Variants in TIMP3 observed in about 807,000 individuals in gnomAD.
TIMP3 encodes TIMP metallopeptidase inhibitor 3.
TIMP3 carries 11 observed loss-of-function variants against 30.0 expected under a neutral mutation model. The observed-to-expected ratio is 0.37, with a 90% CI of 0.23 to 0.61. The LOEUF is 0.61. Ranked by LOEUF, TIMP3 falls within the 20% of genes least tolerant of loss-of-function variation. The pLI is 0.70. For missense variants in TIMP3, 181 were observed against 276.8 expected (o/e 0.65, Z 2.45); for synonymous variants, 112 against 111.3 (o/e 1.01, Z -0.04).
chr22:32,856,275 GA>G (rs2048361916), intron 2 of TIMP3, among the ~76,000 whole-genome samples: 1 of 139,148 alleles, frequency 7.2e-6, no homozygotes, highest in South Asian at 2.2e-4. Context: ...TGGGATGTCA[GA>G]CATGTGTAGC....
At chr22:32,812,461 A>G (rs2145995357) in intron 1 of TIMP3, among the ~76,000 whole-genome samples, 1 of 152,278 alleles carries the variant, frequency 6.6e-6, no homozygotes, top group East Asian at 1.9e-4. Flanking sequence ...CGATGGCTAG[A>G]ATTAAGACTC....
At chr22:32,845,242 G>A (rs1443692231) in intron 1 of TIMP3, among the ~76,000 whole-genome samples, 1 of 152,002 alleles carries the variant, frequency 6.6e-6, no homozygotes, top group Non-Finnish European at 1.5e-5. Context: ...CTGTTTCCAG[G>A]CTGGAGTACG....
intron 1 of TIMP3, among the ~76,000 whole-genome samples, chr22:32,820,968 G>A (rs1212146175): frequency 1.3e-5 from 2 of 152,150 alleles, no homozygotes; most frequent in Non-Finnish European, 2.9e-5. Flanking sequence ...CAAGGTCTCT[G>A]AGCCAAGCAT....
At chr22:32,842,058 T>C (rs543312435) in intron 1 of TIMP3, among the ~76,000 whole-genome samples, 2 of 152,260 alleles carry the variant, frequency 1.3e-5, no homozygotes, top group East Asian at 3.9e-4. Context: ...GGGGGGAGGC[T>C]GCCTAGGTTA....
intron 1 of TIMP3, among the ~76,000 whole-genome samples, chr22:32,805,385 C>T (rs931042984): frequency 2.6e-5 from 4 of 152,176 alleles, no homozygotes; most frequent in Non-Finnish European, 4.4e-5. Context: ...CAGATCCATC[C>T]CCTCTCCCTC....
intron 1 of TIMP3, among the ~76,000 whole-genome samples, chr22:32,842,230 G>T (rs559880350): frequency 6.6e-6 from 1 of 152,282 alleles, no homozygotes; most frequent in African/African-American, 2.4e-5. Context: ...CACTTCTCCA[G>T]TTTTCTTGAT....
chr22:32,822,877 C>T (rs1569252454), intron 1 of TIMP3, among the ~76,000 whole-genome samples: 1 of 151,614 alleles, frequency 6.6e-6, no homozygotes, highest in Admixed American at 6.6e-5. Flanking sequence ...CCCTATGGTG[C>T]ACTTTTGAGT....
At chr22:32,821,882 G>T (rs189717074) in intron 1 of TIMP3, among the ~76,000 whole-genome samples, 2 of 152,302 alleles carry the variant, frequency 1.3e-5, no homozygotes, top group African/African-American at 4.8e-5. Context: ...GAGGCCGAGC[G>T]CAGTGGCTCA....
At chr22:32,805,981 C>G (rs918284766) in intron 1 of TIMP3, among the ~76,000 whole-genome samples, 1 of 151,788 alleles carries the variant, frequency 6.6e-6, no homozygotes, top group Non-Finnish European at 1.5e-5. Flanking sequence ...GAGGAAAATT[C>G]TAATGTTCTT....
intron 2 of TIMP3, among the ~76,000 whole-genome samples, chr22:32,854,386 G>A (rs2048306493): frequency 6.6e-6 from 1 of 152,116 alleles, no homozygotes; most frequent in Admixed American, 6.5e-5. Flanking sequence ...CAAATGACCA[G>A]ACTGTAACCA....
In TIMP3 at chr22:32,825,657, CAAAAAAAAAAAAAAAAAA is replaced by C. The variant is rs130292; in HGVS notation, c.121+23558_121+23575del. On this transcript the variant is annotated intron_variant, in intron 1 of 4. Coordinates refer to ENST00000266085, the MANE Select transcript of TIMP3 (RefSeq NM_000362.5). ...TGGGCGACAGAGCGAGTTTCCATCT[CAAAAAAAAAAAAAAAAAA>C]AAAAAAAAAAAAAAAAAAAAAAGAT... 4.2e-4 allele frequency among the ~76,000 whole-genome samples: 12 copies of C among 28,592 alleles called. 1 individual carries two copies. The highest frequency in any genetic ancestry group is 4.2e-3 in the Admixed American group (6 of 1,430). 18.8% of individuals were successfully genotyped at this position (28,592 alleles called of 152,430 possible).
At chr22:32,841,165 T>A (rs2047890343) in intron 1 of TIMP3, among the ~76,000 whole-genome samples, 1 of 152,246 alleles carries the variant, frequency 6.6e-6, no homozygotes, top group Non-Finnish European at 1.5e-5. Flanking sequence ...AGGTGCCTGT[T>A]ATGTGCCAGG....
chr22:32,827,664 A>G (rs553025609), intron 1 of TIMP3, among the ~76,000 whole-genome samples: 1 of 152,322 alleles, frequency 6.6e-6, no homozygotes, highest in South Asian at 2.1e-4. Flanking sequence ...AAAAAATGTC[A>G]GTCACATCTC....
At chr22:32,850,617 A>T (rs1167695717) in intron 2 of TIMP3, among the ~76,000 whole-genome samples, 1 of 152,138 alleles carries the variant, frequency 6.6e-6, no homozygotes, top group African/African-American at 2.4e-5. Context: ...TTGGGAGAGA[A>T]GAGGCAGGTA....
Position 32,861,847 on chromosome 22 carries a change from A to G in TIMP3, c.*2470A>G, listed in dbSNP as rs2048548661. The G allele has an allele frequency of 6.6e-6, 1 of 152,624 alleles. No individual in the cohort carries two copies. The highest frequency in any genetic ancestry group is 2.1e-4 in the South Asian group (1 of 4,828). 9.5% of individuals were successfully genotyped at this position (152,624 alleles called of 1,614,324 possible). A position where few individuals can be genotyped will look rare whatever the true frequency, so the allele number is the denominator to read the frequency against. ...GTAGCTGAGACACTTCTGTATTTCA[A>G]TCATATCATGAACATTTTATTTTGC... is the stretch of plus-strand genomic sequence containing the variant. On this transcript the variant is annotated 3_prime_UTR_variant, in exon 5 of 5. Coordinates refer to ENST00000266085, the MANE Select transcript of TIMP3 (RefSeq NM_000362.5).
chr22:32,832,979 T>C (rs1330666487), intron 1 of TIMP3, among the ~76,000 whole-genome samples: 3 of 152,194 alleles, frequency 2.0e-5, no homozygotes, highest in Non-Finnish European at 4.4e-5. Flanking sequence ...GGAATTCACC[T>C]GCCTCGACCT....
At chr22:32,808,212 A>T (rs1460864990) in intron 1 of TIMP3, among the ~76,000 whole-genome samples, 4 of 152,136 alleles carry the variant, frequency 2.6e-5, no homozygotes, top group African/African-American at 9.7e-5. Context: ...ACTTACATGG[A>T]CTCAGGTTCA....
intron 1 of TIMP3, among the ~76,000 whole-genome samples, chr22:32,831,853 C>T (rs188572608): frequency 2.0e-5 from 3 of 152,232 alleles, no homozygotes; most frequent in Admixed American, 2.0e-4. Flanking sequence ...CTGCACCCCC[C>T]CCAACCTCCA....
At chr22:32,857,881 G>A in intron 3 of TIMP3, 136 bp from the exon 4 acceptor site, 1 of 1,330,404 alleles carries the variant, frequency 7.5e-7, no homozygotes, top group Non-Finnish European at 1.1e-6. Context: ...GTTGGGTAGG[G>A]TGAAATAAAA....
Sources: gnomAD v4.1 joint callset for allele counts (sites outside exome capture counted in the v4.1 genomes callset) on GRCh38, gnomAD v4.1.1 for gene constraint, MANE v1.5 for transcripts, NCBI Gene and HGNC (gene_info 2026-07-23, HGNC 2026-07-21) for gene names.